The following CDH13 variants were observed in gnomAD, a reference collection of about 807,000 sequenced individuals.
CDH13 encodes cadherin 13.
In CDH13, 24 loss-of-function variants were observed where a neutral mutation model predicts 63.8. The observed-to-expected ratio is 0.38, with a 90% CI of 0.27 to 0.53. CDH13 has a LOEUF of 0.53. Ranked by LOEUF, CDH13 falls within the 20% of genes least tolerant of loss-of-function variation. CDH13 has a pLI of 0.85. For missense variants in CDH13, 1,049 were observed against 903.1 expected, an observed-to-expected ratio of 1.16 and a Z score of -2.07; for synonymous variants, 503 against 355.3, an observed-to-expected ratio of 1.42 and a Z score of -4.67.
chr16:83,112,806 C>A (rs542003815), intron 3 of CDH13, among the ~76,000 whole-genome samples: 1 of 152,164 alleles, frequency 6.6e-6, no homozygotes, highest in Admixed American at 6.5e-5. Context: ...ACCAGACCTT[C>A]GTGAGCACCG....
At chr16:82,674,199 C>T (rs535897684) in intron 1 of CDH13, among the ~76,000 whole-genome samples, 7 of 152,298 alleles carry the variant, frequency 4.6e-5, no homozygotes, top group African/African-American at 1.7e-4. Flanking sequence ...CCCCTTAAGG[C>T]AGCCTGGTGC....
At chr16:82,678,037 G>T (rs1206756256) in intron 1 of CDH13, among the ~76,000 whole-genome samples, 1 of 152,072 alleles carries the variant, frequency 6.6e-6, no homozygotes, top group Non-Finnish European at 1.5e-5. Context: ...AAGAAGCATT[G>T]CACAGAAGGC....
At chr16:83,387,967 G>A (rs535429928) in intron 6 of CDH13, among the ~76,000 whole-genome samples, 1 of 152,156 alleles carries the variant, frequency 6.6e-6, no homozygotes, top group African/African-American at 2.4e-5. Context: ...CTGTTGGCAA[G>A]AATTACCTTT....
chr16:83,067,234 G>C (rs144596875), intron 3 of CDH13, among the ~76,000 whole-genome samples: 1 of 152,166 alleles, frequency 6.6e-6, no homozygotes, highest in Admixed American at 6.5e-5. Flanking sequence ...CTGTATCTCT[G>C]AGTAATGTTG....
intron 10 of CDH13, among the ~76,000 whole-genome samples, chr16:83,702,848 G>A (rs1028777347): frequency 3.3e-5 from 5 of 152,192 alleles, no homozygotes; most frequent in Non-Finnish European, 7.3e-5. Context: ...GGAACCACAA[G>A]CCACAGCAAC....
At chr16:83,290,289 A>G (rs78317760) in intron 5 of CDH13, among the ~76,000 whole-genome samples, 4,756 of 152,152 alleles carry the variant, frequency 0.031, 223 homozygotes, top group African/African-American at 0.096. Flanking sequence ...CCCTGATATG[A>G]TTTGGTGCTG....
chr16:83,428,297 A>C (rs531947221), intron 6 of CDH13, among the ~76,000 whole-genome samples: 1 of 152,340 alleles, frequency 6.6e-6, no homozygotes, highest in African/African-American at 2.4e-5. Context: ...TAGCTCAAGA[A>C]ATATGTTTTT....
rs540566767 is a variant in CDH13, at chr16:83,464,427, G to T, written c.782-22050G>T. On this transcript the variant is annotated intron_variant, in intron 6 of 13. Transcript: ENST00000567109. ...CTAAGGAGGCTGAAGCAGGAGAATC[G>T]CTTGAACCGAGGAGGTGGAGGTTGC... 2.6e-3 allele frequency among the ~76,000 whole-genome samples: 400 copies of T among 152,302 alleles called. 2 individuals are homozygous for T. The highest frequency in any genetic ancestry group is 9.4e-3 in the African/African-American group (392 of 41,574).
At position 83,518,433 on chromosome 16, in the gene CDH13, C is replaced by T. The variant is rs569428114; in HGVS notation, c.960+31778C>T. 6.6e-5 allele frequency among the ~76,000 whole-genome samples: 10 copies of T among 150,880 alleles called. No homozygotes were observed. In the South Asian group the frequency reaches 1.3e-3, roughly 19 times the overall value. On this transcript the variant is annotated intron_variant, in intron 7 of 13. Transcript: ENST00000567109. ...GTGCTGAGATTACAGGTGTGAGCCA[C>T]CGCGCCCGGCCAAGATGTGATGGGT...
chr16:83,045,730 A>G (rs1231414697), intron 3 of CDH13, among the ~76,000 whole-genome samples: 1 of 151,950 alleles, frequency 6.6e-6, no homozygotes, highest in Non-Finnish European at 1.5e-5. Flanking sequence ...GATAAAGACC[A>G]TGGATTTTCT....
At chr16:83,574,082 G>A (rs528699959) in intron 7 of CDH13, among the ~76,000 whole-genome samples, 15 of 152,212 alleles carry the variant, frequency 9.9e-5, no homozygotes, top group Admixed American at 9.8e-4. Flanking sequence ...TCCCAGCTGC[G>A]AAATGGGCAG....
At chr16:82,929,770 C>G (rs988412557) in intron 2 of CDH13, among the ~76,000 whole-genome samples, 1 of 149,542 alleles carries the variant, frequency 6.7e-6, no homozygotes, top group Admixed American at 6.7e-5. Context: ...ACCTCCAGAG[C>G]TATAAGAAAT....
chr16:83,491,362 C>T (rs913547144), intron 7 of CDH13, among the ~76,000 whole-genome samples: 2 of 152,136 alleles, frequency 1.3e-5, no homozygotes, highest in African/African-American at 2.4e-5. Flanking sequence ...CCATACTTAG[C>T]CCCCCATTTC....
At chr16:82,727,096 C>T (rs556022477) in intron 1 of CDH13, among the ~76,000 whole-genome samples, 15 of 152,202 alleles carry the variant, frequency 9.9e-5, no homozygotes, top group East Asian at 9.7e-4. Context: ...AGGGCGGCGG[C>T]GGTGGTGGGG....
chr16:82,820,345 C>A (rs145361387), intron 1 of CDH13, among the ~76,000 whole-genome samples: 2 of 152,152 alleles, frequency 1.3e-5, no homozygotes, highest in African/African-American at 4.8e-5. Context: ...CCTGGTAATG[C>A]CTCAGATACT....
chr16:83,440,714 G>A (rs956821142), intron 6 of CDH13, among the ~76,000 whole-genome samples: 1 of 151,262 alleles, frequency 6.6e-6, no homozygotes, highest in African/African-American at 2.4e-5. Context: ...GAACCTGGGA[G>A]GTGGAGGCTA....
At chr16:83,090,552 C>T (rs543423668) in intron 3 of CDH13, among the ~76,000 whole-genome samples, 18 of 136,988 alleles carry the variant, frequency 1.3e-4, no homozygotes, top group East Asian at 8.4e-4. Flanking sequence ...CCAGACTGGG[C>T]GACAAAGCGA....
intron 4 of CDH13, among the ~76,000 whole-genome samples, chr16:83,211,149 A>G (rs1357576646): frequency 7.2e-6 from 1 of 139,038 alleles, no homozygotes; most frequent in Non-Finnish European, 1.6e-5. Flanking sequence ...TTCCATCTCA[A>G]AAAAAAAAAA....
chr16:82,633,515 A>G lies in CDH13; in HGVS notation c.45+6378A>G, dbSNP rs535732212. 2.6e-5 allele frequency among the ~76,000 whole-genome samples: 4 copies of G among 152,274 alleles called. No homozygotes were observed. In the East Asian group the frequency reaches 7.7e-4, roughly 29 times the overall value. On this transcript the variant is annotated intron_variant, in intron 1 of 13. Coordinates refer to ENST00000567109, the MANE Select transcript of CDH13 (RefSeq NM_001257.5). ...TGCCTCAGCCTCCCAAGTAGCTGGG[A>G]TTACAGGTGCCCGCCACCAGGCCTG...
Sources: gnomAD v4.1 joint callset for allele counts (sites outside exome capture counted in the v4.1 genomes callset) on GRCh38, gnomAD v4.1.1 for gene constraint, MANE v1.5 for transcripts, NCBI Gene and HGNC (gene_info 2026-07-23, HGNC 2026-07-21) for gene names.